PBX1: variants seen among roughly 807,000 people sequenced by gnomAD.
PBX1 encodes the protein PBX homeobox 1.
In PBX1, 6 loss-of-function variants were observed where a neutral mutation model predicts 53.4. That is an observed-to-expected ratio of 0.11 (90% CI 0.06 to 0.22). The LOEUF (loss-of-function observed/expected upper bound fraction) is 0.22, where lower values mean the gene tolerates loss of function less well. Among genes scored for constraint, PBX1 ranks in the 10% least tolerant of loss-of-function variants. PBX1 has a pLI of 1.00. For synonymous variants in PBX1, 204 were observed against 212.3 expected, an observed-to-expected ratio of 0.96 and a Z score of 0.34; for missense variants, 251 against 551.4, an observed-to-expected ratio of 0.46 and a Z score of 5.46.
chr1:164,727,452 T>C (rs1432838404), intron 2 of PBX1, among the ~76,000 whole-genome samples: 1 of 152,248 alleles, frequency 6.6e-6, no homozygotes, highest in Non-Finnish European at 1.5e-5. Flanking sequence ...TAGAAAGTTC[T>C]GTAATTTGGA....
chr1:164,856,789 G>T (rs908202905), downstream of PBX1, among the ~76,000 whole-genome samples: 6 of 152,012 alleles, frequency 3.9e-5, no homozygotes, highest in Admixed American at 3.9e-4. Context: ...CACCTTTTCT[G>T]TTCGCACCTA....
At chr1:164,663,822 A>G (rs951452759) in intron 2 of PBX1, among the ~76,000 whole-genome samples, 3 of 152,342 alleles carry the variant, frequency 2.0e-5, no homozygotes, top group East Asian at 3.9e-4. Flanking sequence ...GCCAACTTTC[A>G]TAGTAGAGCT....
intron 4 of PBX1, among the ~76,000 whole-genome samples, chr1:164,801,885 A>G (rs1389984796): frequency 6.6e-6 from 1 of 152,248 alleles, no homozygotes; most frequent in Non-Finnish European, 1.5e-5. Context: ...TCAGTTCAAA[A>G]ACAAATGTCT....
rs754999060 is a variant in PBX1, at chr1:164,799,689, G to C, written c.511-10G>C. On this transcript the variant is annotated splice_polypyrimidine_tract_variant and intron_variant, in intron 3 of 8. Transcript: ENST00000420696. ...CCTCAATGACGGTGTTGATTGTCCT[G>C]CCATTCCAGGCCTGCAACGAGTTCA... The C allele has an allele frequency of 5.6e-6, 9 of 1,605,708 alleles. No homozygotes were observed. The Admixed American group carries it at 1.5e-4, about 27-fold the overall frequency.
downstream of PBX1, among the ~76,000 whole-genome samples, chr1:164,855,499 G>A (rs774938632): frequency 2.7e-4 from 41 of 152,096 alleles, no homozygotes; most frequent in Non-Finnish European, 5.6e-4. Context: ...AAGTCACTTG[G>A]TAGGCATTTG....
intron 4 of PBX1, among the ~76,000 whole-genome samples, chr1:164,801,419 G>A (rs1162996317): frequency 1.3e-5 from 2 of 150,130 alleles, no homozygotes; most frequent in Non-Finnish European, 2.9e-5. Context: ...TAGTTAAAAT[G>A]CTGGAGTTGG....
intron 2 of PBX1, among the ~76,000 whole-genome samples, chr1:164,721,055 AGATGGCCGAGCAAGC>A (rs1191515640): frequency 6.6e-6 from 1 of 152,228 alleles, no homozygotes; most frequent in Non-Finnish European, 1.5e-5. Flanking sequence ...ACCAGTGAGA[AGATGGCCGAGCAAGC>A]AAGGATAAGT....
intron 2 of PBX1, among the ~76,000 whole-genome samples, chr1:164,729,380 TC>T (rs1441604131): frequency 1.3e-5 from 2 of 152,194 alleles, no homozygotes; most frequent in African/African-American, 4.8e-5. Flanking sequence ...TTCCTTTTTT[TC>T]CTTATCTTTA....
intron 2 of PBX1, among the ~76,000 whole-genome samples, chr1:164,628,132 G>T (rs909574308): frequency 2.0e-5 from 3 of 152,150 alleles, no homozygotes; most frequent in African/African-American, 7.2e-5. Flanking sequence ...ATTTGGGGGA[G>T]AATTTAAAAT....
intron 2 of PBX1, among the ~76,000 whole-genome samples, chr1:164,592,980 CAG>C (rs898232177): frequency 7.3e-5 from 11 of 150,074 alleles, no homozygotes; most frequent in Non-Finnish European, 4.4e-5. Flanking sequence ...TAATTTGAGA[CAG>C]AGTCTTGCTC....
At chr1:164,640,203 G>T (rs1659035149) in intron 2 of PBX1, among the ~76,000 whole-genome samples, 1 of 152,178 alleles carries the variant, frequency 6.6e-6, no homozygotes, top group African/African-American at 2.4e-5. Flanking sequence ...TTGGAAGAGG[G>T]CCCTTGCATC....
rs1324047415 is a variant in PBX1 at position 164,848,748 on chromosome 1, T to G, written c.*2072T>G. 1 of 1,059,130 alleles carries G rather than the reference T, an allele frequency of 9.4e-7. No individual in the cohort carries two copies. Among genetic ancestry groups the G allele is most frequent in the Non-Finnish European group, 1.1e-6 (1 of 875,546 alleles). The allele number at this position is 1,059,130 out of a possible 1,614,324, so 65.6% of individuals were successfully genotyped here. On this transcript the variant is annotated 3_prime_UTR_variant, in exon 9 of 9. Coordinates refer to ENST00000420696, the MANE Select transcript of PBX1 (RefSeq NM_002585.4). ...TGCTTGGGAGGCTTCCAGGGAGAAG[T>G]ATGAGACCCTGAGGGGTGAGAATGG...
chr1:164,721,392 C>T (rs1288242233), intron 2 of PBX1, among the ~76,000 whole-genome samples: 2 of 151,650 alleles, frequency 1.3e-5, no homozygotes, highest in South Asian at 2.1e-4. Flanking sequence ...CTCCAAATCT[C>T]GGTGACACTC....
intron 2 of PBX1, among the ~76,000 whole-genome samples, chr1:164,592,536 G>A (rs1655464279): frequency 6.6e-6 from 1 of 152,232 alleles, no homozygotes; most frequent in Non-Finnish European, 1.5e-5. Flanking sequence ...TTGAGAAGCA[G>A]CAGTGTCTGA....
At chr1:164,732,287 G>A (rs1315499483) in intron 2 of PBX1, among the ~76,000 whole-genome samples, 1 of 152,124 alleles carries the variant, frequency 6.6e-6, no homozygotes, top group African/African-American at 2.4e-5. Flanking sequence ...CATACTGCGT[G>A]TACCTAATTC....
chr1:164,624,275 T>C (rs1417366494), intron 2 of PBX1, among the ~76,000 whole-genome samples: 3 of 152,176 alleles, frequency 2.0e-5, no homozygotes, highest in Non-Finnish European at 4.4e-5. Flanking sequence ...AGAAGATAGG[T>C]TCTTGTGCCA....
intron 2 of PBX1, chr1:164,684,920 A>C (rs1005500613): frequency 6.6e-6 from 1 of 152,228 alleles, no homozygotes; most frequent in Admixed American, 6.5e-5. Context: ...GTTAAGAACT[A>C]CTTAGTCTTG....
chr1:164,737,354 T>C (rs528960377), intron 2 of PBX1, among the ~76,000 whole-genome samples: 7 of 152,360 alleles, frequency 4.6e-5, no homozygotes, highest in Admixed American at 2.6e-4. Flanking sequence ...TTTTCAGTAT[T>C]GATATCCATT....
intron 2 of PBX1, among the ~76,000 whole-genome samples, chr1:164,764,100 C>T (rs1211287011): frequency 6.6e-6 from 1 of 152,068 alleles, no homozygotes; most frequent in African/African-American, 2.4e-5. Context: ...AAAAAGAATC[C>T]AAATTCCCAA....
Sources: gnomAD v4.1 joint callset for allele counts (sites outside exome capture counted in the v4.1 genomes callset) on GRCh38, gnomAD v4.1.1 for gene constraint, MANE v1.5 for transcripts, NCBI Gene and HGNC (gene_info 2026-07-23, HGNC 2026-07-21) for gene names.